The following DPP6 variants were observed in gnomAD, a reference collection of about 807,000 sequenced individuals.
The protein encoded by DPP6 is dipeptidyl peptidase like 6, also known as A-type potassium channel modulatory protein DPP6.
A neutral mutation model predicts 122.6 loss-of-function variants in DPP6; 69 were observed. The observed-to-expected ratio is 0.56, with a 90% CI of 0.46 to 0.69. The LOEUF is 0.69. Among genes scored for constraint, DPP6 ranks in the 30% least tolerant of loss-of-function variants. The probability of loss-of-function intolerance (pLI) is 0.00; values close to 1 mark genes in which losing one functional copy is unlikely to be tolerated. For synonymous variants in DPP6, 418 were observed against 433.1 expected (o/e 0.97, Z 0.43); for missense variants, 928 against 1,116.9 (o/e 0.83, Z 2.41).
chr7:154,675,780 T>A (rs186866960), intron 7 of DPP6, among the ~76,000 whole-genome samples: 1 of 152,312 alleles, frequency 6.6e-6, no homozygotes, highest in African/African-American at 2.4e-5. Flanking sequence ...TCTGGCACGG[T>A]CACTCTCATA....
intron 1 of DPP6, among the ~76,000 whole-genome samples, chr7:154,433,099 A>G (rs1818561180): frequency 6.7e-6 from 1 of 150,076 alleles, no homozygotes; most frequent in South Asian, 2.1e-4. Context: ...AGATATAACA[A>G]GTTCCTGTAG....
chr7:154,338,542 A>G (rs920440934), intron 1 of DPP6, among the ~76,000 whole-genome samples: 2 of 152,186 alleles, frequency 1.3e-5, no homozygotes, highest in African/African-American at 2.4e-5. Context: ...CCAATTAACT[A>G]TGAGAGTCTG....
chr7:153,942,726 T>C (rs1355332398), intron 1 of DPP6, among the ~76,000 whole-genome samples: 1 of 152,228 alleles, frequency 6.6e-6, no homozygotes, highest in Non-Finnish European at 1.5e-5. Context: ...GTGGGATCCC[T>C]GGGCTGCTCA....
At chr7:154,872,741 C>T (rs368695725) in intron 19 of DPP6, 48 bp downstream of exon 19, 52 of 1,563,396 alleles carry the variant, frequency 3.3e-5, no homozygotes, top group South Asian at 1.2e-4. Flanking sequence ...TCTGGGGCTC[C>T]GTGACACCCA....
intron 1 of DPP6, among the ~76,000 whole-genome samples, chr7:154,099,218 T>TGTCC (rs1259969241): frequency 4.6e-5 from 7 of 152,230 alleles, no homozygotes; most frequent in Non-Finnish European, 7.3e-5. Context: ...TGTCCATTCA[T>TGTCC]ATTAAAAATA....
At chr7:154,416,921 C>A in intron 1 of DPP6, among the ~76,000 whole-genome samples, 1 of 152,144 alleles carries the variant, frequency 6.6e-6, no homozygotes, top group East Asian at 1.9e-4. Flanking sequence ...ATCTCTTGAG[C>A]AATTCCTGTC....
intron 5 of DPP6, among the ~76,000 whole-genome samples, chr7:154,598,576 T>C (rs1295175384): frequency 6.6e-6 from 1 of 152,212 alleles, no homozygotes; most frequent in Non-Finnish European, 1.5e-5. Flanking sequence ...AGCACGTCTG[T>C]TAGACAAAAG....
intron 2 of DPP6, among the ~76,000 whole-genome samples, chr7:154,448,566 T>C (rs1299420121): frequency 6.6e-6 from 1 of 152,136 alleles, no homozygotes; most frequent in Non-Finnish European, 1.5e-5. Context: ...TTAAAGAAAC[T>C]ACAAGTTGAT....
At chr7:154,060,739 G>C (rs1419366603) in intron 1 of DPP6, among the ~76,000 whole-genome samples, 152 of 121,768 alleles carry the variant, frequency 1.2e-3, no homozygotes, top group African/African-American at 2.6e-3. Flanking sequence ...CCCCCGCGAG[G>C]CAGGGACTGA....
chr7:154,021,516 C>G (rs1798698947), intron 1 of DPP6, among the ~76,000 whole-genome samples: 1 of 152,176 alleles, frequency 6.6e-6, no homozygotes, highest in Non-Finnish European at 1.5e-5. Context: ...CCTTTCCAGC[C>G]TACAACCATT....
At chr7:154,449,877 A>ACATGCC (rs1820206454) in intron 2 of DPP6, among the ~76,000 whole-genome samples, 1 of 152,012 alleles carries the variant, frequency 6.6e-6, no homozygotes, top group Admixed American at 6.6e-5. Context: ...GAGTGGTAAC[A>ACATGCC]CATGCCTGTA....
intron 6 of DPP6, among the ~76,000 whole-genome samples, chr7:154,663,220 T>A (rs112667437): frequency 2.7e-3 from 100 of 37,172 alleles, no homozygotes; most frequent in East Asian, 4.1e-3. Flanking sequence ...TATTGGCGCT[T>A]GTGTTCATAT....
upstream of DPP6, among the ~76,000 whole-genome samples, chr7:153,884,582 T>C (rs1391059638): frequency 6.6e-6 from 1 of 152,200 alleles, no homozygotes; most frequent in Non-Finnish European, 1.5e-5. Context: ...TGCACACATA[T>C]GTTTATTGTG....
chr7:154,745,459 T>A (rs1476868680), intron 8 of DPP6, among the ~76,000 whole-genome samples: 4 of 152,184 alleles, frequency 2.6e-5, no homozygotes, highest in Non-Finnish European at 5.9e-5. Flanking sequence ...TGTACCAGGC[T>A]TAGTAACACC....
At chr7:154,277,820 C>T (rs1804238136) in intron 1 of DPP6, among the ~76,000 whole-genome samples, 1 of 152,206 alleles carries the variant, frequency 6.6e-6, no homozygotes, top group African/African-American at 2.4e-5. Context: ...CTCTCTTGCT[C>T]CAGCAGTTCT....
chr7:153,838,579 T>C, the DPP6 span, among the ~76,000 whole-genome samples: 2 of 152,182 alleles, frequency 1.3e-5, no homozygotes, highest in East Asian at 3.9e-4. Flanking sequence ...TAACAAAGGA[T>C]GTCTGTGAGA....
chr7:153,924,292 A>T (rs1800787705), intron 1 of DPP6, among the ~76,000 whole-genome samples: 1 of 152,232 alleles, frequency 6.6e-6, no homozygotes, highest in Non-Finnish European at 1.5e-5. Context: ...GTATTTTAGT[A>T]GAGACGAGGT....
chr7:154,103,779 A>C (rs1805935473), intron 1 of DPP6, among the ~76,000 whole-genome samples: 1 of 152,316 alleles, frequency 6.6e-6, no homozygotes, highest in East Asian at 1.9e-4. Flanking sequence ...CCTGTGCTGG[A>C]TGCTTCTTTC....
intron 8 of DPP6, among the ~76,000 whole-genome samples, chr7:154,751,523 T>G (rs1338217154): frequency 6.8e-6 from 1 of 146,916 alleles, no homozygotes; most frequent in Non-Finnish European, 1.5e-5. Context: ...GGTGGAAGAA[T>G]CGCTTGAACC....
Sources: allele counts gnomAD v4.1 joint callset (sites outside exome capture counted in the v4.1 genomes callset), GRCh38; gene constraint gnomAD v4.1.1; transcripts MANE v1.5; gene names NCBI Gene and HGNC (gene_info 2026-07-23, HGNC 2026-07-21).